PARD3: variants seen among roughly 807,000 people sequenced by gnomAD.
The protein encoded by PARD3 is par-3 family cell polarity regulator, also known as partitioning defective 3 homolog.
In PARD3, 75 loss-of-function variants were observed where a neutral mutation model predicts 155.4. The observed-to-expected ratio is 0.48, with a 90% confidence interval of 0.40 to 0.58. The LOEUF (loss-of-function observed/expected upper bound fraction) is 0.58, where lower values mean the gene tolerates loss of function less well. PARD3 is among the 20% of genes least tolerant of loss of function. The pLI, the probability that PARD3 is intolerant of heterozygous loss-of-function variation, is 0.00. For synonymous variants in PARD3, 576 were observed against 610.5 expected (o/e 0.94, Z 0.83); for missense variants, 1,642 against 1,721.7 (o/e 0.95, Z 0.82).
chr10:34,278,906 C>A (rs527554187), intron 21 of PARD3, among the ~76,000 whole-genome samples: 1 of 152,250 alleles, frequency 6.6e-6, no homozygotes, highest in South Asian at 2.1e-4. Flanking sequence ...CAGACACAAA[C>A]ACATCTCAAC....
chr10:34,744,063 G>T (rs1295390915), intron 1 of PARD3, among the ~76,000 whole-genome samples: 1 of 152,184 alleles, frequency 6.6e-6, no homozygotes, highest in Non-Finnish European at 1.5e-5. Context: ...AGCCAATCCA[G>T]ATGACTACTA....
intron 20 of PARD3, among the ~76,000 whole-genome samples, chr10:34,287,204 T>C (rs763332789): frequency 2.0e-5 from 3 of 152,162 alleles, no homozygotes; most frequent in Non-Finnish European, 4.4e-5. Context: ...AAGTATAAGA[T>C]GTACAAATCC....
chr10:34,327,135 G>T (rs948795655), intron 19 of PARD3, among the ~76,000 whole-genome samples: 1 of 152,158 alleles, frequency 6.6e-6, no homozygotes, highest in Non-Finnish European at 1.5e-5. Flanking sequence ...TTTATCATGG[G>T]GAGGAGAAGT....
At chr10:34,550,549 C>T (rs2084464721) in intron 2 of PARD3, among the ~76,000 whole-genome samples, 1 of 152,022 alleles carries the variant, frequency 6.6e-6, no homozygotes, top group Non-Finnish European at 1.5e-5. Flanking sequence ...CCTTTACCAC[C>T]TAGAAAAAAA....
intron 22 of PARD3, among the ~76,000 whole-genome samples, chr10:34,132,666 T>C (rs560498376): frequency 2.4e-4 from 37 of 152,300 alleles, no homozygotes; most frequent in African/African-American, 7.0e-4. Context: ...ATCAGTGACG[T>C]GGACGGGAGA....
intron 2 of PARD3, among the ~76,000 whole-genome samples, chr10:34,614,347 T>A (rs2132649692): frequency 6.6e-6 from 1 of 152,250 alleles, no homozygotes; most frequent in Non-Finnish European, 1.5e-5. Context: ...TATCAAGAAG[T>A]TCTCTAACAA....
At chr10:34,200,685 GAC>G (rs1302812472) in intron 22 of PARD3, among the ~76,000 whole-genome samples, 1 of 152,226 alleles carries the variant, frequency 6.6e-6, no homozygotes, top group Non-Finnish European at 1.5e-5. Flanking sequence ...ACTAGCTGCA[GAC>G]ACAGAGTCGT....
intron 20 of PARD3, among the ~76,000 whole-genome samples, chr10:34,290,481 A>G (rs1026147724): frequency 1.3e-5 from 2 of 152,218 alleles, no homozygotes; most frequent in African/African-American, 4.8e-5. Flanking sequence ...TTTGTAGGTT[A>G]TGTGATACTG....
In PARD3 at chr10:34,714,609, G is replaced by A. The variant is rs543487033; in HGVS notation, c.121-18190C>T. Among the ~76,000 whole-genome samples, 5 of 152,232 alleles carry A rather than the reference G, an allele frequency of 3.3e-5. No homozygotes were observed. In the East Asian group the frequency reaches 9.7e-4, roughly 29 times the overall value. ...GGGCCTGTTCCCAATGTCTCCTCAG[G>A]ATTGCTGATGTCTGAGGTGGAGTTC... On this transcript the variant is annotated intron_variant, in intron 1 of 24. Coordinates refer to ENST00000374788, the MANE Select transcript of PARD3 (RefSeq NM_001184785.2).
intron 22 of PARD3, among the ~76,000 whole-genome samples, chr10:34,199,280 C>T (rs1951098430): frequency 6.6e-6 from 1 of 152,182 alleles, no homozygotes; most frequent in African/African-American, 2.4e-5. Context: ...CCTTGTCAGT[C>T]AATTCACAAT....
At chr10:34,388,871 AT>A (rs1193919266) in intron 7 of PARD3, among the ~76,000 whole-genome samples, 1 of 152,192 alleles carries the variant, frequency 6.6e-6, no homozygotes, top group East Asian at 1.9e-4. Context: ...ACAACCCCAG[AT>A]TTGTTATGCT....
At chr10:34,445,415 C>T (rs2076686835) in intron 5 of PARD3, among the ~76,000 whole-genome samples, 1 of 152,176 alleles carries the variant, frequency 6.6e-6, no homozygotes, top group Non-Finnish European at 1.5e-5. Flanking sequence ...ACATCAGTGG[C>T]TTCTACTCTT....
intron 20 of PARD3, among the ~76,000 whole-genome samples, chr10:34,315,448 A>G (rs1050869554): frequency 1.3e-5 from 2 of 152,224 alleles, no homozygotes; most frequent in African/African-American, 2.4e-5. Flanking sequence ...TTGGCCAATG[A>G]ATGAAAACTA....
At chr10:34,509,119 A>G (rs2081256711) in intron 3 of PARD3, among the ~76,000 whole-genome samples, 2 of 152,180 alleles carry the variant, frequency 1.3e-5, no homozygotes, top group Non-Finnish European at 2.9e-5. Context: ...TAAGTAGAAT[A>G]TACTCCCATA....
At chr10:34,636,373 C>T (rs1274833768) in intron 2 of PARD3, among the ~76,000 whole-genome samples, 2 of 152,166 alleles carry the variant, frequency 1.3e-5, no homozygotes, top group African/African-American at 4.8e-5. Flanking sequence ...GGGCTAACAC[C>T]CCTTTGCTCG....
intron 1 of PARD3, among the ~76,000 whole-genome samples, chr10:34,768,860 C>T (rs12783964): frequency 0.23 from 34,813 of 152,150 alleles, 4,154 homozygotes; most frequent in South Asian, 0.38. Flanking sequence ...CGGCTCCACC[C>T]CAGGCATGGT....
intron 19 of PARD3, among the ~76,000 whole-genome samples, chr10:34,323,288 T>C (rs1232445245): frequency 6.6e-6 from 1 of 151,944 alleles, no homozygotes; most frequent in East Asian, 1.9e-4. Context: ...AACATTAGAA[T>C]GATGAGCTCT....
chr10:34,317,208 T>C lies in PARD3; in HGVS notation c.2964A>G (p.Lys988=), dbSNP rs1958063001. ...NQEKGDKTDR[K]KDKTGKEKKK... is the part of the protein sequence containing the mutation. Reference sequence around the variant, plus strand: ...TCTTTTCTTTTCCAGTTTTATCCTTTTTTCTATCAGTCTTATCACCTTTCT... The same window carrying C: ...TCTTTTCTTTTCCAGTTTTATCCTTCTTTCTATCAGTCTTATCACCTTTCT... Residue 988 remains lysine (K), a synonymous_variant, in exon 20 of 25, where the codon AAA becomes AAG. Coordinates refer to ENST00000374788, the MANE Select transcript of PARD3 (RefSeq NM_001184785.2). 6.2e-7 allele frequency: 1 copy of C among 1,613,902 alleles called. No homozygotes were observed. Among genetic ancestry groups the C allele is most frequent in the Non-Finnish European group, 8.5e-7 (1 of 1,179,988 alleles).
At chr10:34,636,728 T>C (rs1319733463) in intron 2 of PARD3, among the ~76,000 whole-genome samples, 1 of 152,152 alleles carries the variant, frequency 6.6e-6, no homozygotes, top group East Asian at 1.9e-4. Flanking sequence ...AGGGGAGGAT[T>C]CATGCCTGGA....
Sources: gnomAD v4.1 joint callset for allele counts (sites outside exome capture counted in the v4.1 genomes callset) on GRCh38, gnomAD v4.1.1 for gene constraint, MANE v1.5 for transcripts, NCBI Gene and HGNC (gene_info 2026-07-23, HGNC 2026-07-21) for gene names.